The following MRPL43 variants were observed in gnomAD, a reference collection of about 807,000 sequenced individuals.
MRPL43 encodes mitochondrial ribosomal protein L43.
Under a neutral mutation model 12.7 loss-of-function variants are expected in MRPL43, and 9 were observed. The observed-to-expected ratio is 0.71, with a 90% CI of 0.43 to 1.24. MRPL43 has a LOEUF of 1.24. Ranked by LOEUF, MRPL43 falls within the 50% of genes most tolerant of loss-of-function variation. The pLI, the probability that MRPL43 is intolerant of heterozygous loss-of-function variation, is 0.00. For missense variants in MRPL43, 211 were observed against 229.2 expected (o/e 0.92, Z 0.51); for synonymous variants, 116 against 96.4 (o/e 1.20, Z -1.19).
Position 100,987,285 on chromosome 10 carries a change from C to T in MRPL43, c.131+28G>A, listed in dbSNP as rs1385902528. Reference sequence around the variant, plus strand: ...TTGCCACCTCCACACCCACCCCGACCCGCGCCTGCGCACTTCCCTTGGCTC... The same window carrying T: ...TTGCCACCTCCACACCCACCCCGACTCGCGCCTGCGCACTTCCCTTGGCTC... On this transcript the variant is annotated intron_variant, in intron 1 of 2. Coordinates refer to ENST00000318364, the MANE Select transcript of MRPL43 (RefSeq NM_032112.3). The T allele has an allele frequency of 3.1e-6, 5 of 1,611,896 alleles. No homozygotes were observed. In the South Asian group the frequency reaches 5.5e-5, roughly 18 times the overall value.
downstream of MRPL43, chr10:100,980,108 G>A (rs1162406245): frequency 6.8e-6 from 11 of 1,613,962 alleles, no homozygotes; most frequent in East Asian, 4.5e-5. Flanking sequence ...CACCACCTTC[G>A]TCCCCCACGC....
At chr10:100,980,560 C>T, downstream of MRPL43, 1 of 1,606,790 alleles carries the variant, frequency 6.2e-7, no homozygotes, top group Non-Finnish European at 8.5e-7. Context: ...GTCTAACTCT[C>T]TGCTCTTTCC....
Position 100,986,596 on chromosome 10 carries a change from C to A in MRPL43, c.*138G>T. The A allele has an allele frequency of 6.2e-7, 1 of 1,607,408 alleles. No individual in the cohort carries two copies. Among genetic ancestry groups the A allele is most frequent in the East Asian group, 2.3e-5 (1 of 44,422 alleles). On this transcript the variant is annotated 3_prime_UTR_variant, in exon 3 of 3. Coordinates refer to ENST00000318364, the MANE Select transcript of MRPL43 (RefSeq NM_032112.3). ...CACTGGAAAGAAACAGGCAGCTCTT[C>A]ATTATCCCAAGCAGAACCTCTGTCA...
downstream of MRPL43, chr10:100,981,097 C>T: frequency 6.2e-7 from 1 of 1,607,302 alleles, no homozygotes. Flanking sequence ...TAGTAACAGA[C>T]CTATCTACCC....
downstream of MRPL43, chr10:100,979,078 T>C: frequency 6.2e-7 from 1 of 1,613,524 alleles, no homozygotes; most frequent in Non-Finnish European, 8.5e-7. Context: ...CCTGGCCCCT[T>C]ATCCCGTGCC....
At chr10:100,983,929 C>T (rs773939741), downstream of MRPL43, 24 of 1,601,424 alleles carry the variant, frequency 1.5e-5, no homozygotes, top group South Asian at 2.2e-5. Flanking sequence ...CCGCCCCCAC[C>T]GCCACCGGCT....
At chr10:100,983,638 T>C (rs759100020), downstream of MRPL43, 2 of 1,613,806 alleles carry the variant, frequency 1.2e-6, no homozygotes, top group Admixed American at 3.3e-5. Flanking sequence ...GATGTGAGAC[T>C]GCTCTATGTG....
downstream of MRPL43, chr10:100,984,250 C>T: frequency 1.4e-6 from 2 of 1,449,670 alleles, no homozygotes; most frequent in Non-Finnish European, 1.8e-6. Context: ...CTTCTCCCAA[C>T]TTTTTGATGT....
At chr10:100,984,891 TGA>T (rs1031921038), downstream of MRPL43, 14 of 1,466,734 alleles carry the variant, frequency 9.5e-6, no homozygotes, top group African/African-American at 1.4e-5. Flanking sequence ...CTCAAGAGTA[TGA>T]GAGACAGAGC....
chr10:100,982,890 T>C (rs1388149416), downstream of MRPL43, among the ~76,000 whole-genome samples: 2 of 152,190 alleles, frequency 1.3e-5, no homozygotes, highest in East Asian at 3.8e-4. Context: ...CCATTCACAG[T>C]GGTGGCGATT....
At chr10:100,983,055 G>A (rs11594926), downstream of MRPL43, among the ~76,000 whole-genome samples, 1 of 152,214 alleles carries the variant, frequency 6.6e-6, no homozygotes, top group South Asian at 2.1e-4. Context: ...GCAGATGGCA[G>A]AAATTGAAAC....
At chr10:100,983,912 A>ACCCCCCCCC, downstream of MRPL43, 1 of 185,352 alleles carries the variant, frequency 5.4e-6, no homozygotes, top group South Asian at 6.8e-5. Context: ...CAGCCCCACC[A>ACCCCCCCCC]CCCCCACCGC....
downstream of MRPL43, chr10:100,981,175 C>G (rs375633368): frequency 1.9e-6 from 3 of 1,614,228 alleles, no homozygotes; most frequent in Non-Finnish European, 2.5e-6. Context: ...CAGGACAGCA[C>G]TGATACAGGA....
chr10:100,979,092 A>G (rs1437244826), downstream of MRPL43: 12 of 1,613,236 alleles, frequency 7.4e-6, no homozygotes, highest in African/African-American at 2.7e-5. Context: ...CCGTGCCTCT[A>G]CCTCCCCAGG....
At chr10:100,984,896 G>A (rs960318556), downstream of MRPL43, 4 of 1,463,916 alleles carry the variant, frequency 2.7e-6, no homozygotes, top group South Asian at 4.2e-5. Flanking sequence ...GAGTATGAGA[G>A]ACAGAGCTCC....
At chr10:100,985,637 T>C (rs1851417968), downstream of MRPL43, 1 of 152,602 alleles carries the variant, frequency 6.6e-6, no homozygotes, top group Non-Finnish European at 1.5e-5. Flanking sequence ...GTCTGCTTCA[T>C]CTAGATGCGC....
At chr10:100,980,117 G>T, downstream of MRPL43, 1 of 1,614,096 alleles carries the variant, frequency 6.2e-7, no homozygotes, top group Non-Finnish European at 8.5e-7. Flanking sequence ...CGTCCCCCAC[G>T]CCAGTGTATC....
chr10:100,979,509 A>G (rs964463700), downstream of MRPL43: 2 of 1,116,640 alleles, frequency 1.8e-6, no homozygotes, highest in South Asian at 1.6e-5. Context: ...CGGCCTCCCG[A>G]GTAGCTGGGA....
downstream of MRPL43, chr10:100,978,735 A>C (rs956079782): frequency 6.4e-6 from 10 of 1,552,942 alleles, no homozygotes; most frequent in Non-Finnish European, 8.8e-6. Flanking sequence ...CCAAATCCCC[A>C]GGTGAGCCTG....
Sources: gnomAD v4.1 joint callset for allele counts (sites outside exome capture counted in the v4.1 genomes callset) on GRCh38, gnomAD v4.1.1 for gene constraint, MANE v1.5 for transcripts, NCBI Gene and HGNC (gene_info 2026-07-23, HGNC 2026-07-21) for gene names.